The following SLITRK3 variants were observed in gnomAD, a reference collection of about 807,000 sequenced individuals.
The protein encoded by SLITRK3 is SLIT and NTRK like family member 3, also known as SLIT and NTRK-like protein 3.
A neutral mutation model predicts 63.6 loss-of-function variants in SLITRK3; 16 were observed. That is an observed-to-expected ratio of 0.25 (90% CI 0.17 to 0.38). The LOEUF (loss-of-function observed/expected upper bound fraction) is 0.38. Among genes scored for constraint, SLITRK3 ranks in the 10% least tolerant of loss-of-function variants. The pLI, the probability that SLITRK3 is intolerant of heterozygous loss-of-function variation, is 1.00. For missense variants in SLITRK3, 1,117 were observed against 1,181.4 expected, an observed-to-expected ratio of 0.95 and a Z score of 0.80; for synonymous variants, 547 against 451.6, an observed-to-expected ratio of 1.21 and a Z score of -2.68.
chr3:165,189,465 G>A lies in SLITRK3; in HGVS notation c.1366C>T (p.Pro456Ser), dbSNP rs1390119859. The A allele has an allele frequency of 6.2e-7, 1 of 1,613,412 alleles. No homozygotes were observed. The highest frequency in any genetic ancestry group is 8.5e-7 in the Non-Finnish European group (1 of 1,180,024). Residue 456 changes from proline (P) to serine (S), a missense_variant, in exon 2 of 2, where the codon CCC (proline) becomes TCC (serine). By Grantham distance (74) the Pro-to-Ser change is moderately conservative. This residue lies in a region of SLITRK3 where 158 missense variants were observed against 197.2 expected (regional missense o/e 0.80). Coordinates refer to ENST00000475390, the MANE Select transcript of SLITRK3 (RefSeq NM_001318810.2). This position sits in a 1 kb window ranked among gnomAD's most constrained non-coding sequence, Gnocchi z 4.0. ...YVQDGAFINL[P>S]NLKSLFLNGN... The stretch of plus-strand genomic sequence containing the variant: ...TTAAGGAAGAGGCTCTTTAAGTTGG[G>A]CAAGTTGATAAAGGCCCCATCTTGG...
chr3:165,188,882 G>C lies in SLITRK3; in HGVS notation c.1949C>G (p.Pro650Arg). The change falls in exon 2 of 2, where the codon CCT (proline) becomes CGT (arginine). Residue 650 changes from proline to arginine, a missense_variant. Coordinates refer to ENST00000475390, the MANE Select transcript of SLITRK3 (RefSeq NM_001318810.2). ...SPYEFSPPGG[P>R]VPLSVLILSL... Reference sequence around the variant, plus strand: ...GAGAATTAACACAGAAAGTGGCACAGGGCCCCCAGGAGGAGAAAACTCATA... The same window carrying C: ...GAGAATTAACACAGAAAGTGGCACACGGCCCCCAGGAGGAGAAAACTCATA... 6.2e-7 allele frequency: 1 copy of C among 1,614,090 alleles called. No individual in the cohort carries two copies. Among genetic ancestry groups the C allele is most frequent in the Non-Finnish European group, 8.5e-7 (1 of 1,180,010 alleles).
rs1263962350 is a variant in SLITRK3 at position 165,190,799 on chromosome 3, C to T, written c.32G>A (p.Arg11Lys). 1 of 1,603,872 alleles carries T rather than the reference C, an allele frequency of 6.2e-7. No homozygotes were observed. Among genetic ancestry groups the T allele is most frequent in the Non-Finnish European group, 8.5e-7 (1 of 1,175,044 alleles). ...AAGAATTATCCACAACATCCTTCCT[C>T]TGTGAAGCATCTCAGCTATGGAAGG... The part of the protein sequence containing the change: MKPSIAEMLH[R>K]GRMLWIILLS... Residue 11 changes from arginine to lysine, a missense_variant, in exon 2 of 2, where the codon AGA (arginine) becomes AAA (lysine). Arg to Lys is a conservative substitution (Grantham distance 26). Transcript: ENST00000475390.
At chr3:165,190,970 C>T in intron 1 of SLITRK3, 119 bp from the exon 2 acceptor site, 1 of 661,246 alleles carries the variant, frequency 1.5e-6, no homozygotes, top group Non-Finnish European at 2.5e-6. Context: ...GTTGAAGTGA[C>T]ACTCAAGATG....
Position 165,189,734 on chromosome 3 carries a change from C to T in SLITRK3, c.1097G>A (p.Arg366Lys). The change falls in exon 2 of 2, where the codon AGA becomes AAA. Residue 366 changes from arginine to lysine, a missense_variant. Around this residue, in one of 4 missense-constraint regions of SLITRK3, gnomAD observed 452 missense variants for 495.3 expected, o/e 0.91. Coordinates refer to ENST00000475390, the MANE Select transcript of SLITRK3 (RefSeq NM_001318810.2). This position sits in a 1 kb window ranked among gnomAD's most constrained non-coding sequence, Gnocchi z 4.0. ...NQPPIAPYQT[R>K]PPIPIICPTG... is the part of the protein sequence containing the mutation. ...GGGGCATATAATGGGGATTGGTGGT[C>T]TGGTCTGATAAGGAGCAATGGGAGG... The T allele has an allele frequency of 6.2e-7, 1 of 1,614,098 alleles. No individual in the cohort carries two copies. The highest frequency in any genetic ancestry group is 8.5e-7 in the Non-Finnish European group (1 of 1,180,018).
At chr3:165,196,927 C>CTCTCTCTCT (rs56305843), upstream of SLITRK3, 35 of 27,130 alleles carry the variant, frequency 1.3e-3, no homozygotes, top group Admixed American at 2.3e-3. Flanking sequence ...CTCTCTCTCT[C>CTCTCTCTCT]CTCTCTCTGT....
In SLITRK3 at chr3:165,188,262, A is replaced by C; in HGVS notation, c.2569T>G (p.Leu857Val). Residue 857 changes from leucine to valine, a missense_variant, in exon 2 of 2, where the codon TTG (leucine) becomes GTG (valine). Physicochemically the swap from Leu to Val is conservative, Grantham distance 32. Around this residue, in one of 4 missense-constraint regions of SLITRK3, gnomAD observed 499 missense variants for 463.6 expected, o/e 1.08. Coordinates refer to ENST00000475390, the MANE Select transcript of SLITRK3 (RefSeq NM_001318810.2). The part of the protein sequence containing the change: ...SGVVGGTGGD[L>V]AGFRHHEKNG... The stretch of plus-strand genomic sequence containing the variant: ...TTCTCATGGTGGCGGAACCCTGCCA[A>C]GTCTCCCCCAGTTCCCCCAACTACT... 1.9e-6 allele frequency: 3 copies of C among 1,613,638 alleles called. No homozygotes were observed. Among genetic ancestry groups the C allele is most frequent in the Non-Finnish European group, 2.5e-6 (3 of 1,179,842 alleles).
rs1718063959 is a variant in SLITRK3 at position 165,188,762 on chromosome 3, C to T, written c.2069G>A (p.Ser690Asn). Residue 690 changes from serine to asparagine, a missense_variant, in exon 2 of 2, where the codon AGC becomes AAC. By Grantham distance (46) the Ser-to-Asn change is conservative. Around this residue, in one of 4 missense-constraint regions of SLITRK3, gnomAD observed 499 missense variants for 463.6 expected, o/e 1.08. Transcript: ENST00000475390. ...RRRRKKLPFR[S>N]KRQEGVDLTG... Reference sequence around the variant, plus strand: ...AAGGTCCACACCTTCCTGCCGCTTGCTTCTGAAGGGCAGCTTCTTTCGACG... The same window carrying T: ...AAGGTCCACACCTTCCTGCCGCTTGTTTCTGAAGGGCAGCTTCTTTCGACG... The T allele has an allele frequency of 1.2e-6, 2 of 1,614,082 alleles. No individual in the cohort carries two copies. The highest frequency in any genetic ancestry group is 1.7e-6 in the Non-Finnish European group (2 of 1,180,060).
At position 165,190,665 on chromosome 3, in the gene SLITRK3, G is replaced by A; in HGVS notation, c.166C>T (p.Leu56Phe). 6.2e-7 allele frequency: 1 copy of A among 1,614,054 alleles called. No individual in the cohort carries two copies. The highest frequency in any genetic ancestry group is 8.5e-7 in the Non-Finnish European group (1 of 1,179,964). ...TTACTGTCACAATGTATATGAAAGA[G>A]GCTTTCTTTAACTTCACAGTAGCAT... ...DPCYCEVKES[L>F]FHIHCDSKGF... The change falls in exon 2 of 2, where the codon CTC (leucine) becomes TTC (phenylalanine). Residue 56 changes from leucine to phenylalanine, a missense_variant. Leu to Phe is a conservative substitution (Grantham distance 22, BLOSUM62 0). Around this residue, in one of 4 missense-constraint regions of SLITRK3, gnomAD observed 452 missense variants for 495.3 expected, o/e 0.91. Coordinates refer to ENST00000475390, the MANE Select transcript of SLITRK3 (RefSeq NM_001318810.2).
intron 1 of SLITRK3, 117 bp from the exon 2 acceptor site, chr3:165,190,968 GAC>G (rs1718202921): frequency 3.0e-6 from 2 of 672,058 alleles, no homozygotes; most frequent in Non-Finnish European, 4.9e-6. Flanking sequence ...TTGTTGAAGT[GAC>G]ACTCAAGATG....
At chr3:165,195,347 T>C (rs960639580) in intron 1 of SLITRK3, among the ~76,000 whole-genome samples, 2 of 152,122 alleles carry the variant, frequency 1.3e-5, no homozygotes, top group African/African-American at 4.8e-5. Context: ...TGGAGTTACT[T>C]ACGATGTCTT....
At chr3:165,196,559 G>T, upstream of SLITRK3, 1 of 153,282 alleles carries the variant, frequency 6.5e-6, no homozygotes, top group South Asian at 1.8e-4. Context: ...AATGGCCTAG[G>T]AAATAACTAA....
At position 165,188,840 on chromosome 3, in the gene SLITRK3, A is replaced by C. The variant is rs1320089173; in HGVS notation, c.1991T>G (p.Phe664Cys). Residue 664 changes from phenylalanine (F) to cysteine (C), a missense_variant, in exon 2 of 2, where the codon TTT (phenylalanine) becomes TGT (cysteine). Physicochemically the swap from Phe to Cys is radical, Grantham distance 205 (BLOSUM62 -2). Coordinates refer to ENST00000475390, the MANE Select transcript of SLITRK3 (RefSeq NM_001318810.2). Reference protein sequence around the residue: ...SVLILSLLVLFFSAVFVAAGL... With the variant: ...SVLILSLLVLCFSAVFVAAGL... ...TGCAGCAACAAAGACTGCTGAGAAA[A>C]ACAGAACCAGCAGGCTGAGAATTAA... The C allele has an allele frequency of 6.2e-7, 1 of 1,614,008 alleles. No homozygotes were observed.
Position 165,190,313 on chromosome 3 carries a change from C to A in SLITRK3, c.518G>T (p.Ser173Ile). ...ATTTAAAATCAGAACCCTCAATTTA[C>A]TTAGGTTCCGAAATGCCCCACTCTC... ...RIESGAFRNLSKLRVLILNDN... is the reference protein window; with the variant it reads ...RIESGAFRNLIKLRVLILNDN... Residue 173 changes from serine (S) to isoleucine (I), a missense_variant, in exon 2 of 2, where the codon AGT becomes ATT. Physicochemically the swap from Ser to Ile is moderately radical, Grantham distance 142. This residue lies in a region of SLITRK3 where 452 missense variants were observed against 495.3 expected (regional missense o/e 0.91). Transcript: ENST00000475390. 9 of 1,614,154 alleles carry A rather than the reference C, an allele frequency of 5.6e-6. No homozygotes were observed. Among genetic ancestry groups the A allele is most frequent in the Non-Finnish European group, 7.6e-6 (9 of 1,180,012 alleles).
At chr3:165,194,399 C>A (rs1246648839) in intron 1 of SLITRK3, among the ~76,000 whole-genome samples, 1 of 152,076 alleles carries the variant, frequency 6.6e-6, no homozygotes, top group East Asian at 1.9e-4. Flanking sequence ...TTAAAATGAC[C>A]GCACAGGAGT....
Position 165,188,657 on chromosome 3 carries a change from G to A in SLITRK3, c.2174C>T (p.Pro725Leu). ...GGCCTTCTCTGGAGAGGAAAGAGTT[G>A]GTCGACCACCACCCCCACTTCCGCC... ...GGGGSGGGGRPTLSSPEKAPP... is the reference protein window; with the variant it reads ...GGGGSGGGGRLTLSSPEKAPP... Residue 725 changes from proline (P) to leucine (L), a missense_variant, in exon 2 of 2, where the codon CCA (proline) becomes CTA (leucine). Physicochemically the swap from Pro to Leu is moderately conservative, Grantham distance 98. This residue lies in a region of SLITRK3 where 499 missense variants were observed against 463.6 expected (regional missense o/e 1.08). Transcript: ENST00000475390. 6.2e-7 allele frequency: 1 copy of A among 1,613,680 alleles called. No homozygotes were observed. The highest frequency in any genetic ancestry group is 8.5e-7 in the Non-Finnish European group (1 of 1,179,906).
In SLITRK3 at chr3:165,189,080, C is replaced by A. The variant is rs1381358755; in HGVS notation, c.1751G>T (p.Ser584Ile). Residue 584 changes from serine (S) to isoleucine (I), a missense_variant, in exon 2 of 2, where the codon AGT becomes ATT. Around this residue, in one of 4 missense-constraint regions of SLITRK3, gnomAD observed 158 missense variants for 197.2 expected, o/e 0.80. Coordinates refer to ENST00000475390, the MANE Select transcript of SLITRK3 (RefSeq NM_001318810.2). This position sits in a 1 kb window ranked among gnomAD's most constrained non-coding sequence, Gnocchi z 4.0. The stretch of plus-strand genomic sequence containing the variant: ...CCTGCAAAGCACATCACCAACCACA[C>A]TGACTGAGCTGATGGTTTCGATCCA... ...KQWIETISSV[S>I]VVGDVLCRSP... 1.2e-6 allele frequency: 2 copies of A among 1,614,210 alleles called. No homozygotes were observed. The highest frequency in any genetic ancestry group is 1.1e-5 in the South Asian group (1 of 91,092).
chr3:165,188,208 C>A lies in SLITRK3; in HGVS notation c.2623G>T (p.Gly875Trp). ...KNGGVVLFPPGGGCGSGSMLL... is the reference protein window; with the variant it reads ...KNGGVVLFPPWGGCGSGSMLL... ...ATACTGCCACTACCACAGCCTCCCC[C>A]AGGAGGAAACAGCACCACCCCACCA... is the stretch of plus-strand genomic sequence containing the variant. Residue 875 changes from glycine to tryptophan, a missense_variant, in exon 2 of 2, where the codon GGG (glycine) becomes TGG (tryptophan). Coordinates refer to ENST00000475390, the MANE Select transcript of SLITRK3 (RefSeq NM_001318810.2). The A allele has an allele frequency of 6.2e-7, 1 of 1,613,832 alleles. No homozygotes were observed. Among genetic ancestry groups the A allele is most frequent in the Non-Finnish European group, 8.5e-7 (1 of 1,179,950 alleles).
In SLITRK3 at chr3:165,187,435, G is replaced by A. The variant is rs1341630039; in HGVS notation, c.*462C>T. The A allele has an allele frequency of 6.6e-6, 1 of 151,100 alleles. No homozygotes were observed. The highest frequency in any genetic ancestry group is 1.5e-5 in the Non-Finnish European group (1 of 68,520). 9.4% of individuals were successfully genotyped at this position (151,100 alleles called of 1,614,324 possible). ...AATACATGTACAGAATCTGTGCCAT[G>A]ATGATAAGAAAGAAAGCCACAAATG... On this transcript the variant is annotated 3_prime_UTR_variant, in exon 2 of 2. Transcript: ENST00000475390.
chr3:165,191,714 A>T (rs4858790), intron 1 of SLITRK3, among the ~76,000 whole-genome samples: 1 of 152,210 alleles, frequency 6.6e-6, no homozygotes, highest in Non-Finnish European at 1.5e-5. Flanking sequence ...CATTTGCAAA[A>T]CTTAGTTTGG....
Sources: allele counts gnomAD v4.1 joint callset (sites outside exome capture counted in the v4.1 genomes callset), GRCh38; gene constraint gnomAD v4.1.1; regional missense constraint gnomAD v4.1.1; non-coding constraint Gnocchi (gnomAD v3.1); transcripts MANE v1.5; gene names NCBI Gene and HGNC (gene_info 2026-07-23, HGNC 2026-07-21).